Variants in STAT6 observed in about 807,000 individuals in gnomAD.
STAT6 encodes signal transducer and activator of transcription 6, also known as STAT, interleukin4-induced.
A neutral mutation model predicts 106.3 loss-of-function variants in STAT6; 45 were observed. The ratio of observed to expected loss-of-function variants is 0.42; its 90% CI spans 0.33 to 0.54. STAT6 has a LOEUF of 0.54. Ranked by LOEUF, STAT6 falls within the 20% of genes least tolerant of loss-of-function variation. The pLI is 0.06. For synonymous variants in STAT6, 413 were observed against 413.6 expected (o/e 1.00, Z 0.02); for missense variants, 797 against 1,062.2 (o/e 0.75, Z 3.47).
chr12:57,101,141 T>C (rs1592556046), intron 13 of STAT6, among the ~76,000 whole-genome samples: 1 of 152,092 alleles, frequency 6.6e-6, no homozygotes, highest in East Asian at 1.9e-4. Flanking sequence ...CAGGCTGGAG[T>C]GCAGTGGCAC....
chr12:57,108,361 G>A, intron 1 of STAT6, 62 bp from the exon 2 acceptor site: 1 of 874,396 alleles, frequency 1.1e-6, no homozygotes, highest in South Asian at 1.4e-5. Flanking sequence ...ATCTCCTGGG[G>A]CAGCCAGGGA....
At chr12:57,101,970 T>C (rs191708945) in intron 13 of STAT6, among the ~76,000 whole-genome samples, 2 of 152,302 alleles carry the variant, frequency 1.3e-5, no homozygotes, top group Non-Finnish European at 1.5e-5. Context: ...GGCCAGGAAC[T>C]ATTTTTCCAA....
At chr12:57,108,072 T>A in intron 2 of STAT6, 91 bp downstream of exon 2, 1 of 853,150 alleles carries the variant, frequency 1.2e-6, no homozygotes, top group Non-Finnish European at 1.9e-6. Context: ...TCTCAAGTTC[T>A]GAATCCATGG....
At position 57,099,854 on chromosome 12, in the gene STAT6, T is replaced by C. The variant is rs1306898897; in HGVS notation, c.1657A>G (p.Asn553Asp). The change falls in exon 15 of 22, where the codon AAT becomes GAT. Residue 553 changes from asparagine (N) to aspartate (D), a missense_variant. Physicochemically the swap from Asn to Asp is conservative, Grantham distance 23. This residue lies in a region of STAT6 where 222 missense variants were observed against 354.6 expected (regional missense o/e 0.63). Transcript: ENST00000300134. This position sits in a 1 kb window ranked among gnomAD's most constrained non-coding sequence, Gnocchi z 4.7. ...AGGAGAAAGGTTCCGTCGGGCTCAT[T>C]GAGAAGAAGGCTAGTAACGTACTGT... is the stretch of plus-strand genomic sequence containing the variant. ...SKQYVTSLLLNEPDGTFLLRF... is the reference protein window; with the variant it reads ...SKQYVTSLLLDEPDGTFLLRF... 3 of 1,614,212 alleles carry C rather than the reference T, an allele frequency of 1.9e-6. No homozygotes were observed. In the East Asian group the frequency reaches 6.7e-5, roughly 36 times the overall value.
chr12:57,097,323 T>C (rs2033512365), intron 19 of STAT6, 190 bp from the exon 20 acceptor site: 8 of 423,684 alleles, frequency 1.9e-5, no homozygotes, highest in Admixed American at 4.2e-5. Flanking sequence ...TGGGGGTGGA[T>C]TAGCCAATTT....
intron 13 of STAT6, among the ~76,000 whole-genome samples, chr12:57,101,586 A>G (rs1407354635): frequency 1.4e-5 from 2 of 142,864 alleles, no homozygotes; most frequent in African/African-American, 2.7e-5. Flanking sequence ...CTGGTCTCGA[A>G]CTCCTGACCT....
At position 57,105,513 on chromosome 12, in the gene STAT6, G is replaced by A. The variant is rs753505324; in HGVS notation, c.767C>T (p.Ser256Leu). 34 of 1,613,974 alleles carry A rather than the reference G, an allele frequency of 2.1e-5. No individual in the cohort carries two copies. The highest frequency in any genetic ancestry group is 4.0e-5 in the African/African-American group (3 of 74,924). Residue 256 changes from serine (S) to leucine (L), a missense_variant, in exon 8 of 22, where the codon TCG becomes TTG. Ser to Leu is a moderately radical substitution (Grantham distance 145). This residue lies in a region of STAT6 where 336 missense variants were observed against 429.8 expected (regional missense o/e 0.78). Coordinates refer to ENST00000300134, the MANE Select transcript of STAT6 (RefSeq NM_003153.5). Reference sequence around the variant, plus strand: ...GACTTCATCCAGCCGGCCAGTCAGCGATGCCCGGGTCTTGGGCTCAAGCTC... The same window carrying A: ...GACTTCATCCAGCCGGCCAGTCAGCAATGCCCGGGTCTTGGGCTCAAGCTC... The part of the protein sequence containing the change: ...GGELEPKTRA[S>L]LTGRLDEVLR...
At chr12:57,101,819 C>T (rs771407597) in intron 13 of STAT6, among the ~76,000 whole-genome samples, 82 of 151,752 alleles carry the variant, frequency 5.4e-4, no homozygotes, top group Middle Eastern at 3.4e-3. Context: ...CATGTGCCAC[C>T]GCAACTGGCT....
Position 57,107,808 on chromosome 12 carries a change from C to G in STAT6, c.117-65G>C. 2.5e-6 allele frequency: 4 copies of G among 1,601,120 alleles called. No individual in the cohort carries two copies. The South Asian group carries it at 3.3e-5, about 13-fold the overall frequency. ...TTCCTCAGCTCTCCTGACCCTTTAC[C>G]CCACAGCCAAAAGCTCAGCAGTTCC... On this transcript the variant is annotated intron_variant, in intron 2 of 21. Transcript: ENST00000300134.
chr12:57,108,176 C>G lies in STAT6; in HGVS notation c.103G>C (p.Glu35Gln). The G allele has an allele frequency of 6.2e-7, 1 of 1,609,084 alleles. No homozygotes were observed. Among genetic ancestry groups the G allele is most frequent in the Non-Finnish European group, 8.5e-7 (1 of 1,177,084 alleles). The change falls in exon 2 of 22, where the codon GAG becomes CAG. Residue 35 changes from glutamate to glutamine, a missense_variant. Glu to Gln is a conservative substitution (Grantham distance 29). This residue lies in a region of STAT6 where 336 missense variants were observed against 429.8 expected (regional missense o/e 0.78). Transcript: ENST00000300134. ...GCCAGGACTCACCAGGGCTGGCTCT[C>G]CAGCCAGTCACCCAGAAGATGCCGC... is the stretch of plus-strand genomic sequence containing the variant. ...HLRHLLGDWL[E>Q]SQPWEFLVGS...
At chr12:57,106,163 C>A (rs370216108) in intron 7 of STAT6, 28 bp downstream of exon 7, 72 of 1,612,282 alleles carry the variant, frequency 4.5e-5, no homozygotes, top group Non-Finnish European at 5.8e-5. Flanking sequence ...CCAGCTTGCC[C>A]CCTCTTCCCC....
At position 57,096,833 on chromosome 12, in the gene STAT6, C is replaced by A; in HGVS notation, c.2354+17G>T. The A allele has an allele frequency of 6.2e-7, 1 of 1,614,052 alleles. No individual in the cohort carries two copies. The highest frequency in any genetic ancestry group is 8.5e-7 in the Non-Finnish European group (1 of 1,179,960). On this transcript the variant is annotated intron_variant, in intron 21 of 21. Transcript: ENST00000300134. ...CCCTAGATGCCACCCAGCCTCCACT[C>A]CCAAGCTGCCACTCACCAAGTGCCC...
chr12:57,096,606 G>A lies in STAT6; in HGVS notation c.2510C>T (p.Ser837Phe). 1 of 1,607,188 alleles carries A rather than the reference G, an allele frequency of 6.2e-7. No homozygotes were observed. Residue 837 changes from serine to phenylalanine, a missense_variant, in exon 22 of 22, where the codon TCC (serine) becomes TTC (phenylalanine). By Grantham distance (155) the Ser-to-Phe change is radical. Around this residue, in one of 4 missense-constraint regions of STAT6, gnomAD observed 226 missense variants for 236.7 expected, o/e 0.95. Transcript: ENST00000300134. The stretch of plus-strand genomic sequence containing the variant: ...GGGGTTGGCCCTTAGGTCCATGTGG[G>A]ACATTGAGATCCCAGATTGCCCATA... ...SHYGQSGISM[S>F]HMDLRANPSW
chr12:57,108,557 C>T (rs1240596271), intron 1 of STAT6, among the ~76,000 whole-genome samples: 2 of 151,966 alleles, frequency 1.3e-5, no homozygotes, highest in African/African-American at 2.4e-5. Context: ...GGCAGTAGAG[C>T]GAGAGCTCTC....
intron 19 of STAT6, chr12:57,097,382 TCCTCACTCCCGC>T: frequency 8.5e-6 from 3 of 352,960 alleles, no homozygotes; most frequent in Admixed American, 4.7e-5. Context: ...AGTCCCCAAG[TCCTCACTCCCGC>T]CTCACCTTCT....
In STAT6 at chr12:57,106,916, C is replaced by A. The variant is rs1012654904; in HGVS notation, c.340-85G>T. On this transcript the variant is annotated intron_variant, in intron 4 of 21. Coordinates refer to ENST00000300134, the MANE Select transcript of STAT6 (RefSeq NM_003153.5). Reference sequence around the variant, plus strand: ...CCTCCACTCTCTGCTCTGCAGATAGCGTTTTCTTGTTCCCCTCTCCCCTTT... The same window carrying A: ...CCTCCACTCTCTGCTCTGCAGATAGAGTTTTCTTGTTCCCCTCTCCCCTTT... 10 of 1,569,332 alleles carry A rather than the reference C, an allele frequency of 6.4e-6. No homozygotes were observed. In the African/African-American group the frequency reaches 6.8e-5, roughly 11 times the overall value.
intron 3 of STAT6, 30 bp from the exon 4 acceptor site, chr12:57,107,344 C>CT (rs1391005061): frequency 6.3e-7 from 1 of 1,599,722 alleles, no homozygotes; most frequent in South Asian, 1.1e-5. Context: ...AAACAGTGAG[C>CT]TTTGCTCTTA....
Position 57,098,879 on chromosome 12 carries a change from T to G in STAT6, c.1979A>C (p.Glu660Ala), listed in dbSNP as rs570552272. The G allele has an allele frequency of 6.8e-6, 11 of 1,613,648 alleles. No homozygotes were observed. The highest frequency in any genetic ancestry group is 1.7e-4 in the Middle Eastern group (1 of 6,054). The stretch of plus-strand genomic sequence containing the variant: ...AGGCACCATGGTAGGCATCTGGAGC[T>G]CTGGGGTAGGAAGTGGTTGGTCCCT... ...VERDQPLPTP[E>A]LQMPTMVPSY... Residue 660 changes from glutamate (E) to alanine (A), a missense_variant, in exon 18 of 22, where the codon GAG becomes GCG. By Grantham distance (107) the Glu-to-Ala change is moderately radical. Transcript: ENST00000300134.
intron 12 of STAT6, 64 bp downstream of exon 12, chr12:57,102,765 G>T: frequency 7.4e-7 from 1 of 1,357,078 alleles, no homozygotes; most frequent in Non-Finnish European, 1.1e-6. Flanking sequence ...CAGCAGGCCT[G>T]CACCACTGCC....
Sources: allele counts gnomAD v4.1 joint callset (sites outside exome capture counted in the v4.1 genomes callset), GRCh38; gene constraint gnomAD v4.1.1; regional missense constraint gnomAD v4.1.1; non-coding constraint Gnocchi (gnomAD v3.1); transcripts MANE v1.5; gene names NCBI Gene and HGNC (gene_info 2026-07-23, HGNC 2026-07-21).